The following PCSK2 variants were observed in gnomAD, a reference collection of about 807,000 sequenced individuals.
PCSK2 encodes the protein neuroendocrine convertase 2.
PCSK2 carries 14 observed loss-of-function variants against 69.7 expected under a neutral mutation model. The observed-to-expected ratio is 0.20, with a 90% CI of 0.13 to 0.31. PCSK2 has a LOEUF of 0.31. PCSK2 is among the 10% of genes least tolerant of loss of function. PCSK2 has a pLI of 1.00. For synonymous variants in PCSK2, 307 were observed against 320.7 expected (o/e 0.96, Z 0.46); for missense variants, 544 against 842.5 (o/e 0.65, Z 4.39).
rs1231783639 is a variant in PCSK2 at position 17,464,427 on chromosome 20, T to C, written c.1203-899T>C. The C allele has an allele frequency of 1.1e-4, 17 of 152,168 alleles. 2 individuals are homozygous for C. The highest frequency in any genetic ancestry group is 1.1e-3 in the Admixed American group (17 of 15,286). The allele number at this position is 152,168 out of a possible 1,614,324, so 9.4% of individuals were successfully genotyped here. A position where few individuals can be genotyped will look rare whatever the true frequency, so the allele number is the denominator to read the frequency against. ...CCATCCTGGACACTAAGGATATAAA[T>C]ATGCTAAATATAATTTCTCTACCCT... On this transcript the variant is annotated intron_variant, in intron 10 of 11. Transcript: ENST00000262545.
chr20:17,292,050 C>T (rs960693458), intron 2 of PCSK2, among the ~76,000 whole-genome samples: 1 of 152,134 alleles, frequency 6.6e-6, no homozygotes, highest in Non-Finnish European at 1.5e-5. Flanking sequence ...TGTGACTGAG[C>T]ACATTGCAGT....
intron 8 of PCSK2, among the ~76,000 whole-genome samples, chr20:17,441,753 A>C (rs144862012): frequency 2.0e-5 from 3 of 152,030 alleles, no homozygotes; most frequent in African/African-American, 7.2e-5. Flanking sequence ...TGATTCAGTT[A>C]CCTCCCACTG....
chr20:17,361,199 G>T (rs1334759663), intron 4 of PCSK2, among the ~76,000 whole-genome samples: 1 of 152,106 alleles, frequency 6.6e-6, no homozygotes, highest in Admixed American at 6.6e-5. Flanking sequence ...CCATAAAACA[G>T]CTTTTCAGTA....
At chr20:17,330,057 T>C (rs113401339) in intron 2 of PCSK2, among the ~76,000 whole-genome samples, 122 of 152,342 alleles carry the variant, frequency 8.0e-4, no homozygotes, top group Middle Eastern at 3.4e-3. Flanking sequence ...TGTAACATAG[T>C]ATATCCAAAA....
At chr20:17,234,172 T>TTGTTTGC (rs1230261413) in intron 1 of PCSK2, among the ~76,000 whole-genome samples, 9 of 152,204 alleles carry the variant, frequency 5.9e-5, no homozygotes, top group African/African-American at 2.2e-4. Flanking sequence ...CCGAGCCAGA[T>TTGTTTGC]CACAACAAAA....
chr20:17,347,664 C>T (rs150514764), intron 2 of PCSK2, among the ~76,000 whole-genome samples: 1 of 152,008 alleles, frequency 6.6e-6, no homozygotes, highest in African/African-American at 2.4e-5. Flanking sequence ...GCACGCTGTG[C>T]TCCAGCAGGG....
At chr20:17,401,324 G>A (rs1374697692) in intron 5 of PCSK2, among the ~76,000 whole-genome samples, 1 of 152,176 alleles carries the variant, frequency 6.6e-6, no homozygotes, top group Non-Finnish European at 1.5e-5. Context: ...GGTGCCAGCA[G>A]ATGTGGTGTC....
At chr20:17,260,841 A>G (rs543546521) in intron 2 of PCSK2, among the ~76,000 whole-genome samples, 2 of 152,220 alleles carry the variant, frequency 1.3e-5, no homozygotes, top group East Asian at 1.9e-4. Context: ...TGGCCATGAG[A>G]CTATCTCAGC....
chr20:17,325,494 T>A (rs1990017024), intron 2 of PCSK2, among the ~76,000 whole-genome samples: 1 of 152,244 alleles, frequency 6.6e-6, no homozygotes, highest in Non-Finnish European at 1.5e-5. Flanking sequence ...GAAATACTTT[T>A]TTAATACCAA....
At chr20:17,280,654 C>G (rs1988275048) in intron 2 of PCSK2, among the ~76,000 whole-genome samples, 2 of 152,200 alleles carry the variant, frequency 1.3e-5, no homozygotes, top group South Asian at 4.1e-4. Context: ...TCTGTTAGCT[C>G]TACCTAAGAC....
intron 2 of PCSK2, among the ~76,000 whole-genome samples, chr20:17,300,952 C>T (rs1472182594): frequency 2.0e-5 from 3 of 152,074 alleles, no homozygotes; most frequent in African/African-American, 4.8e-5. Context: ...TTAATCAATG[C>T]TAATTGAGCT....
At chr20:17,472,822 C>T (rs1176864728) in intron 11 of PCSK2, among the ~76,000 whole-genome samples, 1 of 152,186 alleles carries the variant, frequency 6.6e-6, no homozygotes, top group Non-Finnish European at 1.5e-5. Flanking sequence ...CTGCCTTGGC[C>T]TCCCAAAGTG....
At position 17,483,149 on chromosome 20, in the gene PCSK2, C is replaced by T. The variant is rs2033439880; in HGVS notation, c.*1079C>T. 1 of 151,912 alleles carries T rather than the reference C, an allele frequency of 6.6e-6. No homozygotes were observed. The highest frequency in any genetic ancestry group is 1.5e-5 in the Non-Finnish European group (1 of 68,002). The allele number at this position is 151,912 out of a possible 1,614,324, so 9.4% of individuals were successfully genotyped here. A position where few individuals can be genotyped will look rare whatever the true frequency, so the allele number is the denominator to read the frequency against. On this transcript the variant is annotated 3_prime_UTR_variant, in exon 12 of 12. Transcript: ENST00000262545. ...GTCATTAATGTGTTGGGAAAAAGGC[C>T]TCTGTCCCGGAAGAGTCATGGGAGG... is the stretch of plus-strand genomic sequence containing the variant.
At position 17,303,538 on chromosome 20, in the gene PCSK2, ATATAATATG is replaced by A. The variant is rs1459005777; in HGVS notation, c.282+43195_282+43203del. Among the ~76,000 whole-genome samples the A allele has an allele frequency of 5.4e-4, 21 of 38,948 alleles. No individual in the cohort carries two copies. In the East Asian group the frequency reaches 0.024, roughly 44 times the overall value. 25.6% of individuals were successfully genotyped at this position (38,948 alleles called of 152,430 possible). A position where few individuals can be genotyped will look rare whatever the true frequency, so the allele number is the denominator to read the frequency against. Reference sequence around the variant, plus strand: ...TATAATATAATATATATTATATTATATATAATATGATATAATATATATTATATAATATAT... The same window carrying A: ...TATAATATAATATATATTATATTATAATATAATATATATTATATAATATAT... On this transcript the variant is annotated intron_variant, in intron 2 of 11. Transcript: ENST00000262545.
At chr20:17,332,602 T>A (rs949457884) in intron 2 of PCSK2, among the ~76,000 whole-genome samples, 2 of 152,184 alleles carry the variant, frequency 1.3e-5, no homozygotes, top group Non-Finnish European at 2.9e-5. Context: ...TGGTTAGGAT[T>A]TTCTAAGACC....
intron 2 of PCSK2, among the ~76,000 whole-genome samples, chr20:17,332,823 T>C (rs1199142915): frequency 6.6e-6 from 1 of 152,188 alleles, no homozygotes; most frequent in African/African-American, 2.4e-5. Context: ...ATCTTGGTTG[T>C]ATGCACCCTG....
chr20:17,341,700 A>G (rs1051291733), intron 2 of PCSK2, among the ~76,000 whole-genome samples: 2 of 152,232 alleles, frequency 1.3e-5, no homozygotes, highest in African/African-American at 2.4e-5. Flanking sequence ...ACTCAAGAGC[A>G]CTAGGCAAGG....
At chr20:17,475,886 C>G (rs548290201) in intron 11 of PCSK2, among the ~76,000 whole-genome samples, 53 of 152,250 alleles carry the variant, frequency 3.5e-4, no homozygotes, top group African/African-American at 1.3e-3. Context: ...TTTCAAGAAG[C>G]CCTAGACTAC....
chr20:17,324,940 C>T (rs1989994965), intron 2 of PCSK2, among the ~76,000 whole-genome samples: 1 of 152,128 alleles, frequency 6.6e-6, no homozygotes, highest in African/African-American at 2.4e-5. Flanking sequence ...AGGCTTTGTG[C>T]AGTGTCGCGA....
Sources: gnomAD v4.1 joint callset for allele counts (sites outside exome capture counted in the v4.1 genomes callset) on GRCh38, gnomAD v4.1.1 for gene constraint, MANE v1.5 for transcripts, NCBI Gene and HGNC (gene_info 2026-07-23, HGNC 2026-07-21) for gene names.